Variants in SGCD observed in about 807,000 individuals in gnomAD.
SGCD encodes the protein delta-sarcoglycan.
Under a neutral mutation model 36.6 loss-of-function variants are expected in SGCD, and 18 were observed. The observed-to-expected ratio is 0.49, with a 90% CI of 0.34 to 0.73. SGCD has a LOEUF of 0.73. Ranked by LOEUF, SGCD falls within the 30% of genes least tolerant of loss-of-function variation. The pLI is 0.01. For missense variants in SGCD, 387 were observed against 346.7 expected (o/e 1.12, Z -0.92); for synonymous variants, 133 against 130.6 (o/e 1.02, Z -0.12).
chr5:156,606,754 G>A (rs1270159532), intron 6 of SGCD, among the ~76,000 whole-genome samples: 4 of 152,014 alleles, frequency 2.6e-5, no homozygotes, highest in African/African-American at 9.7e-5. Flanking sequence ...CCTTGAAGAG[G>A]TCCTTCACAT....
intron 1 of SGCD, among the ~76,000 whole-genome samples, chr5:155,957,573 C>T (rs1034616422): frequency 6.6e-6 from 1 of 152,078 alleles, no homozygotes; most frequent in Admixed American, 6.6e-5. Context: ...TGTCTACTCT[C>T]AGGTTTTGGC....
At chr5:156,625,571 G>A (rs1024768412) in intron 6 of SGCD, among the ~76,000 whole-genome samples, 6 of 152,104 alleles carry the variant, frequency 3.9e-5, no homozygotes, top group Non-Finnish European at 7.4e-5. Context: ...TCCAGTTAGA[G>A]GTTAATGAAA....
chr5:156,616,179 G>A (rs1371306903), intron 6 of SGCD, among the ~76,000 whole-genome samples: 3 of 152,152 alleles, frequency 2.0e-5, no homozygotes, highest in Admixed American at 2.0e-4. Context: ...CTGCTGGTGA[G>A]CAGAAAAAGT....
At chr5:156,568,065 T>C (rs1463831502) in intron 4 of SGCD, among the ~76,000 whole-genome samples, 1 of 152,190 alleles carries the variant, frequency 6.6e-6, no homozygotes, top group Non-Finnish European at 1.5e-5. Context: ...TGTCCAGGTT[T>C]ATATGGAGCT....
At chr5:155,902,179 C>G (rs1349110774) in intron 1 of SGCD, among the ~76,000 whole-genome samples, 3 of 152,094 alleles carry the variant, frequency 2.0e-5, no homozygotes, top group Non-Finnish European at 4.4e-5. Flanking sequence ...CACTCTCAGG[C>G]TCAGTTTTCT....
chr5:156,700,996 A>G (rs1754508695), intron 7 of SGCD, among the ~76,000 whole-genome samples: 1 of 151,130 alleles, frequency 6.6e-6, no homozygotes, highest in Admixed American at 6.6e-5. Flanking sequence ...CTTAACTTGC[A>G]TATCTCCCCT....
chr5:155,730,257 T>C, the SGCD span, among the ~76,000 whole-genome samples: 1 of 152,146 alleles, frequency 6.6e-6, no homozygotes, highest in South Asian at 2.1e-4. Flanking sequence ...TTCTAATCCC[T>C]TAAAGCTGTG....
At chr5:156,185,191 G>A (rs938360205) in intron 3 of SGCD, among the ~76,000 whole-genome samples, 13 of 148,490 alleles carry the variant, frequency 8.8e-5, no homozygotes, top group South Asian at 2.1e-4. Context: ...TACTGCATGC[G>A]TTTCTCCTTC....
At chr5:156,610,466 C>T (rs532129572) in intron 6 of SGCD, among the ~76,000 whole-genome samples, 4 of 152,204 alleles carry the variant, frequency 2.6e-5, no homozygotes, top group Admixed American at 1.3e-4. Context: ...GAGGGTGCCT[C>T]CCAGTTAGGC....
intron 1 of SGCD, among the ~76,000 whole-genome samples, chr5:156,034,473 A>G (rs1398304224): frequency 6.6e-6 from 1 of 152,208 alleles, no homozygotes; most frequent in Admixed American, 6.5e-5. Flanking sequence ...GTGGCCATTT[A>G]GCTTTCCTAA....
At chr5:156,089,813 G>A (rs1465793521) in intron 1 of SGCD, among the ~76,000 whole-genome samples, 1 of 152,148 alleles carries the variant, frequency 6.6e-6, no homozygotes, top group Non-Finnish European at 1.5e-5. Context: ...GTCCATATTA[G>A]GTTGGCAAGA....
At chr5:156,131,235 C>T (rs112548187) in intron 3 of SGCD, among the ~76,000 whole-genome samples, 16 of 152,262 alleles carry the variant, frequency 1.1e-4, no homozygotes, top group African/African-American at 3.6e-4. Flanking sequence ...CTTGCAGAGG[C>T]AATGTCATTT....
chr5:155,892,605 A>G (rs1176608115), intron 1 of SGCD, among the ~76,000 whole-genome samples: 3 of 152,116 alleles, frequency 2.0e-5, no homozygotes, highest in Non-Finnish European at 4.4e-5. Flanking sequence ...GTACTTCATC[A>G]TCTGATTTTT....
At chr5:156,444,351 T>A (rs1401042017) in intron 3 of SGCD, among the ~76,000 whole-genome samples, 1 of 151,992 alleles carries the variant, frequency 6.6e-6, no homozygotes, top group Non-Finnish European at 1.5e-5. Context: ...CAAAAAATAA[T>A]ATTTCTATCC....
At chr5:155,928,128 G>C (rs1481234137) in intron 1 of SGCD, among the ~76,000 whole-genome samples, 1 of 152,146 alleles carries the variant, frequency 6.6e-6, no homozygotes, top group Non-Finnish European at 1.5e-5. Flanking sequence ...CCTTGCCCTT[G>C]ATGAACTTAG....
chr5:156,642,245 A>G (rs953158546), intron 6 of SGCD, among the ~76,000 whole-genome samples: 2 of 152,118 alleles, frequency 1.3e-5, no homozygotes, highest in African/African-American at 2.4e-5. Context: ...ATTGATGGCT[A>G]GGGTTTCAAC....
rs186728943 is a variant in SGCD, at chr5:156,520,485, T to C, written c.294+11783T>C. 2.1e-3 allele frequency among the ~76,000 whole-genome samples: 324 copies of C among 151,902 alleles called. 1 individual carries two copies. The highest frequency in any genetic ancestry group is 4.3e-3 in the Admixed American group (65 of 15,286). ...AGTGCTATTCCCATTAAACTACCTT[T>C]GATGTTACTCACAGAAGTAGAGAAA... On this transcript the variant is annotated intron_variant, in intron 4 of 8. Transcript: ENST00000337851.
rs143374608 is a variant in SGCD at position 156,285,401 on chromosome 5, T to C, written c.-43-44133T>C. ...AGCCAAAAGAACAAAGCTGGAGGCATCATGCTACCTGACTTCAAACAATAC... is the reference window on the plus strand; with the variant it reads ...AGCCAAAAGAACAAAGCTGGAGGCACCATGCTACCTGACTTCAAACAATAC... On this transcript the variant is annotated intron_variant, in intron 3 of 9. Coordinates refer to the SGCD transcript ENST00000517913. Among the ~76,000 whole-genome samples, 114 of 152,316 alleles carry C rather than the reference T, an allele frequency of 7.5e-4. 3 individuals carry two copies. The East Asian group carries it at 0.018, about 23-fold the overall frequency.
intron 1 of SGCD, among the ~76,000 whole-genome samples, chr5:156,003,272 T>C (rs781326130): frequency 9.9e-5 from 15 of 152,222 alleles, no homozygotes; most frequent in South Asian, 4.1e-4. Context: ...AGGGCTTGCC[T>C]CTCTACTGGT....
Sources: gnomAD v4.1 joint callset for allele counts (sites outside exome capture counted in the v4.1 genomes callset) on GRCh38, gnomAD v4.1.1 for gene constraint, MANE v1.5 for transcripts, NCBI Gene and HGNC (gene_info 2026-07-23, HGNC 2026-07-21) for gene names.